MANBA: variants seen among roughly 807,000 people sequenced by gnomAD.
MANBA encodes mannosidase beta.
In MANBA, 83 loss-of-function variants were observed where a neutral mutation model predicts 111.1. The observed-to-expected ratio is 0.75, with a 90% CI of 0.63 to 0.90. The LOEUF is 0.90. Among genes scored for constraint, MANBA ranks in the 40% least tolerant of loss-of-function variants. The pLI is 0.00. For missense variants in MANBA, 1,036 were observed against 1,069.0 expected (o/e 0.97, Z 0.43); for synonymous variants, 370 against 378.7 (o/e 0.98, Z 0.27).
intron 6 of MANBA, 118 bp from the exon 7 acceptor site, chr4:102,689,802 A>T: frequency 1.4e-6 from 1 of 692,220 alleles, no homozygotes; most frequent in Non-Finnish European, 2.7e-6. Flanking sequence ...AAAACAATGT[A>T]AGTCTCCCCA....
chr4:102,632,893 T>C (rs1337088156), intron 16 of MANBA, among the ~76,000 whole-genome samples: 2 of 152,248 alleles, frequency 1.3e-5, no homozygotes, highest in African/African-American at 4.8e-5. Context: ...AGTAGCCGAA[T>C]AGCATATGCC....
At chr4:102,682,334 A>G (rs1413404851) in intron 7 of MANBA, among the ~76,000 whole-genome samples, 5 of 152,136 alleles carry the variant, frequency 3.3e-5, no homozygotes. Context: ...TAGGAGAAGT[A>G]TTCTATCACT....
At position 102,674,083 on chromosome 4, in the gene MANBA, G is replaced by A. The variant is rs1204710833; in HGVS notation, c.961-13C>T. 1 of 1,576,440 alleles carries A rather than the reference G, an allele frequency of 6.3e-7. No homozygotes were observed. Among genetic ancestry groups the A allele is most frequent in the Non-Finnish European group, 8.7e-7 (1 of 1,147,436 alleles). ...TCCTAAAATAAACCTGCAATGAACA[G>A]AATTAAATGATGAATATCAAATTTA... On this transcript the variant is annotated splice_polypyrimidine_tract_variant and intron_variant, in intron 7 of 16. Coordinates refer to ENST00000647097, the MANE Select transcript of MANBA (RefSeq NM_005908.4).
chr4:102,727,787 G>C (rs977613927), intron 1 of MANBA: 1 of 677,614 alleles, frequency 1.5e-6, no homozygotes, highest in Non-Finnish European at 2.6e-6. Flanking sequence ...TTCTTGCAGT[G>C]GTGCTTTTAA....
At chr4:102,671,526 TAAAG>T (rs1191760950) in intron 8 of MANBA, 128 bp from the exon 9 acceptor site, 1 of 676,864 alleles carries the variant, frequency 1.5e-6, no homozygotes, top group African/African-American at 1.8e-5. Context: ...CAATGTAAAT[TAAAG>T]AAAGTAAGAT....
chr4:102,724,542 C>CA (rs11454438), intron 2 of MANBA, among the ~76,000 whole-genome samples: 3,760 of 122,212 alleles, frequency 0.031, 62 homozygotes, highest in Middle Eastern at 0.068. Flanking sequence ...GATTCCGTCT[C>CA]AAAAAAAAAA....
chr4:102,703,115 T>G (rs1733136564), intron 5 of MANBA, among the ~76,000 whole-genome samples: 1 of 152,050 alleles, frequency 6.6e-6, no homozygotes, highest in African/African-American at 2.4e-5. Flanking sequence ...CTGTTTGCAT[T>G]AGTTGTTGTT....
intron 7 of MANBA, among the ~76,000 whole-genome samples, chr4:102,678,027 T>C (rs1160314769): frequency 6.6e-6 from 1 of 152,208 alleles, no homozygotes; most frequent in East Asian, 1.9e-4. Context: ...TATAATGCAG[T>C]GCTGAGTCCA....
Position 102,730,306 on chromosome 4 carries a change from T to C in MANBA, c.178-3623A>G, listed in dbSNP as rs868757716. ...GACCGGAGGAATTTACAAGAGGGTA[T>C]AACTTAGATTTATCCACATTTCTCA... is the stretch of plus-strand genomic sequence containing the variant. On this transcript the variant is annotated intron_variant, in intron 1 of 16. Coordinates refer to ENST00000647097, the MANE Select transcript of MANBA (RefSeq NM_005908.4). 226 of 548,662 alleles carry C rather than the reference T, an allele frequency of 4.1e-4. 1 individual carries two copies. The highest frequency in any genetic ancestry group is 2.1e-3 in the South Asian group (88 of 41,724). 34.0% of individuals were successfully genotyped at this position (548,662 alleles called of 1,614,324 possible).
At chr4:102,663,734 A>G (rs1731074154) in intron 11 of MANBA, among the ~76,000 whole-genome samples, 2 of 152,368 alleles carry the variant, frequency 1.3e-5, no homozygotes, top group South Asian at 4.1e-4. Flanking sequence ...ACATCTATTT[A>G]CAGACACAAA....
chr4:102,664,636 C>A, intron 11 of MANBA, 49 bp downstream of exon 11: 1 of 1,534,222 alleles, frequency 6.5e-7, no homozygotes, highest in Admixed American at 1.7e-5. Flanking sequence ...CCACGCCCAG[C>A]CCTAAAGATA....
intron 1 of MANBA, among the ~76,000 whole-genome samples, chr4:102,738,666 G>A (rs1219895653): frequency 6.6e-6 from 1 of 152,192 alleles, no homozygotes; most frequent in Non-Finnish European, 1.5e-5. Context: ...ACCAGTTAAA[G>A]TAATTCTGGT....
chr4:102,711,852 A>G (rs3974634), intron 5 of MANBA, among the ~76,000 whole-genome samples: 10,246 of 152,238 alleles, frequency 0.067, 971 homozygotes, highest in African/African-American at 0.21. Context: ...GTCAGAGGTA[A>G]AAATGTTGAT....
intron 7 of MANBA, among the ~76,000 whole-genome samples, chr4:102,687,490 A>C (rs1732269970): frequency 6.6e-6 from 1 of 152,150 alleles, no homozygotes; most frequent in African/African-American, 2.4e-5. Flanking sequence ...CTTGTTCTTC[A>C]ACTTCAAACT....
At chr4:102,758,771 T>C (rs1486441863) in intron 1 of MANBA, among the ~76,000 whole-genome samples, 1 of 152,020 alleles carries the variant, frequency 6.6e-6, no homozygotes, top group Non-Finnish European at 1.5e-5. Flanking sequence ...AAACTCCACC[T>C]ACCTCTGCCT....
chr4:102,663,328 T>A (rs1226127173), intron 11 of MANBA, among the ~76,000 whole-genome samples: 1 of 152,176 alleles, frequency 6.6e-6, no homozygotes, highest in Non-Finnish European at 1.5e-5. Context: ...CACCCAAGGT[T>A]ACATAGACAG....
intron 1 of MANBA, chr4:102,727,178 G>A: frequency 2.9e-6 from 1 of 346,842 alleles, no homozygotes. Context: ...ACTATGGTCT[G>A]GGAGTCCCAG....
At chr4:102,658,303 A>T (rs228615) in intron 11 of MANBA, among the ~76,000 whole-genome samples, 68,052 of 151,890 alleles carry the variant, frequency 0.45, 15,544 homozygotes, top group South Asian at 0.53. Flanking sequence ...ATTTAGTAGC[A>T]TCCCTGGCCT....
At position 102,631,595 on chromosome 4, in the gene MANBA, T is replaced by C; in HGVS notation, c.*462A>G. On this transcript the variant is annotated 3_prime_UTR_variant, in exon 17 of 17. Transcript: ENST00000647097. ...AATAGCTACCACCAAGAAATCTCTG[T>C]TGTAACATTTCAATCGCCATTCCCT... 7.3e-6 allele frequency: 3 copies of C among 410,924 alleles called. No individual in the cohort carries two copies. The East Asian group carries it at 1.0e-4, about 14-fold the overall frequency. The allele number at this position is 410,924 out of a possible 1,614,324, so 25.5% of individuals were successfully genotyped here.
Sources: allele counts gnomAD v4.1 joint callset (sites outside exome capture counted in the v4.1 genomes callset), GRCh38; gene constraint gnomAD v4.1.1; transcripts MANE v1.5; gene names NCBI Gene and HGNC (gene_info 2026-07-23, HGNC 2026-07-21).